KIN: variants seen among roughly 807,000 people sequenced by gnomAD.
KIN encodes the protein Kin17 DNA and RNA binding protein.
Under a neutral mutation model 63.0 loss-of-function variants are expected in KIN, and 47 were observed. The ratio of observed to expected loss-of-function variants is 0.75; its 90% CI spans 0.59 to 0.95. KIN has a LOEUF of 0.95. KIN is among the 40% of genes least tolerant of loss of function. The probability of loss-of-function intolerance (pLI) is 0.00; values close to 1 mark genes in which losing one functional copy is unlikely to be tolerated. For missense variants in KIN, 408 were observed against 460.9 expected (o/e 0.89, Z 1.05); for synonymous variants, 160 against 157.7 (o/e 1.01, Z -0.11).
intron 2 of KIN, among the ~76,000 whole-genome samples, chr10:7,782,184 A>G (rs1564325403): frequency 6.6e-6 from 1 of 152,218 alleles, no homozygotes; most frequent in Non-Finnish European, 1.5e-5. Flanking sequence ...ATTTTTTAAA[A>G]GTATAAAGGG....
chr10:7,758,550 T>C (rs141207329), intron 12 of KIN, among the ~76,000 whole-genome samples: 3,447 of 152,218 alleles, frequency 0.023, 68 homozygotes, highest in South Asian at 0.066. Context: ...GGTATCGAGA[T>C]GGAACTCAAC....
intron 2 of KIN, among the ~76,000 whole-genome samples, chr10:7,780,979 AC>A (rs1300572375): frequency 6.6e-6 from 1 of 152,212 alleles, no homozygotes; most frequent in Admixed American, 6.5e-5. Flanking sequence ...CCCTGATTCC[AC>A]ATGAAATTGG....
At position 7,766,038 on chromosome 10, in the gene KIN, C is replaced by G. The variant is rs748193096; in HGVS notation, c.849+15G>C. ...CATACATTTAGAACTTAAGAAACTC[C>G]AACTGAATACTTACAGGCTGTAGCC... On this transcript the variant is annotated intron_variant, in intron 9 of 12. Transcript: ENST00000379562. The G allele has an allele frequency of 1.3e-6, 2 of 1,589,886 alleles. No individual in the cohort carries two copies. The highest frequency in any genetic ancestry group is 2.3e-5 in the South Asian group (2 of 87,094).
In KIN at chr10:7,751,357, A is replaced by G. The variant is rs1320987275; in HGVS notation, c.*4723T>C. 9 of 152,202 alleles carry G rather than the reference A, an allele frequency of 5.9e-5. No homozygotes were observed. The highest frequency in any genetic ancestry group is 4.6e-4 in the Admixed American group (7 of 15,274). 9.4% of individuals were successfully genotyped at this position (152,202 alleles called of 1,614,324 possible). ...GACATATCCAACCCATATTTGAAAA[A>G]GCAAGTGAGCTCCTCTAAACCTAAT... On this transcript the variant is annotated 3_prime_UTR_variant, in exon 13 of 13. Coordinates refer to ENST00000379562, the MANE Select transcript of KIN (RefSeq NM_012311.4).
chr10:7,752,282 C>T lies in KIN; in HGVS notation c.*3798G>A, dbSNP rs979554650. 3.3e-5 allele frequency: 5 copies of T among 152,130 alleles called. No individual in the cohort carries two copies. Among genetic ancestry groups the T allele is most frequent in the Non-Finnish European group, 5.9e-5 (4 of 68,028 alleles). The allele number at this position is 152,130 out of a possible 1,614,324, so 9.4% of individuals were successfully genotyped here. ...GGCAAAAAACCTGAAAGACATCTCA[C>T]CAGAGAAGATATACAGGTGGCAAAT... On this transcript the variant is annotated 3_prime_UTR_variant, in exon 13 of 13. Coordinates refer to ENST00000379562, the MANE Select transcript of KIN (RefSeq NM_012311.4).
chr10:7,756,226 A>T, intron 12 of KIN, 84 bp from the exon 13 acceptor site: 2 of 755,988 alleles, frequency 2.6e-6, no homozygotes, highest in Non-Finnish European at 4.1e-6. Flanking sequence ...ATGGATACAA[A>T]TTTGCCTTTT....
chr10:7,781,856 A>G (rs530655815), intron 2 of KIN, among the ~76,000 whole-genome samples: 48 of 152,160 alleles, frequency 3.2e-4, no homozygotes, highest in African/African-American at 1.2e-3. Flanking sequence ...CAGGAGTTCA[A>G]CACCAGCATG....
Position 7,751,627 on chromosome 10 carries a change from T to C in KIN, c.*4453A>G, listed in dbSNP as rs1023443507. On this transcript the variant is annotated 3_prime_UTR_variant, in exon 13 of 13. Coordinates refer to ENST00000379562, the MANE Select transcript of KIN (RefSeq NM_012311.4). ...ACTACCTCTTAGTTTTCTTCTTCTATAAGAAGTGCTCACCTATGATACCCT... is the reference window on the plus strand; with the variant it reads ...ACTACCTCTTAGTTTTCTTCTTCTACAAGAAGTGCTCACCTATGATACCCT... 2.0e-5 allele frequency: 3 copies of C among 152,184 alleles called. No individual in the cohort carries two copies. Among genetic ancestry groups the C allele is most frequent in the Admixed American group, 6.6e-5 (1 of 15,266 alleles). 9.4% of individuals were successfully genotyped at this position (152,184 alleles called of 1,614,324 possible). A position where few individuals can be genotyped will look rare whatever the true frequency, so the allele number is the denominator to read the frequency against.
chr10:7,769,633 A>G (rs548457537), intron 7 of KIN, among the ~76,000 whole-genome samples: 1 of 152,216 alleles, frequency 6.6e-6, no homozygotes, highest in East Asian at 1.9e-4. Flanking sequence ...CACTGCTACT[A>G]TACTTTGTAT....
rs1016540792 is a variant in KIN at position 7,753,205 on chromosome 10, C to T, written c.*2875G>A. On this transcript the variant is annotated 3_prime_UTR_variant, in exon 13 of 13. Coordinates refer to ENST00000379562, the MANE Select transcript of KIN (RefSeq NM_012311.4). ...AAAAAACTACTGTGAAGTCTATAAT[C>T]GTATTTTTATGCTTCAGATATTTTT... The T allele has an allele frequency of 6.6e-6, 1 of 152,152 alleles. No homozygotes were observed. The highest frequency in any genetic ancestry group is 2.4e-5 in the African/African-American group (1 of 41,422). The allele number at this position is 152,152 out of a possible 1,614,324, so 9.4% of individuals were successfully genotyped here.
intron 12 of KIN, 176 bp downstream of exon 12, chr10:7,759,714 A>G (rs1221354674): frequency 9.5e-6 from 4 of 422,422 alleles, no homozygotes; most frequent in Middle Eastern, 6.0e-4. Flanking sequence ...TAATCAGAAA[A>G]TAAAATACTT....
intron 10 of KIN, among the ~76,000 whole-genome samples, chr10:7,763,186 G>A (rs1835471028): frequency 6.6e-6 from 1 of 152,270 alleles, no homozygotes; most frequent in African/African-American, 2.4e-5. Context: ...AACCTGGGAG[G>A]CGATGGTTGC....
At chr10:7,784,566 C>G (rs1835961526) in intron 1 of KIN, among the ~76,000 whole-genome samples, 1 of 151,530 alleles carries the variant, frequency 6.6e-6, no homozygotes, top group Admixed American at 6.6e-5. Flanking sequence ...CCAGTCTGGG[C>G]AAGAGTAAGA....
intron 1 of KIN, among the ~76,000 whole-genome samples, chr10:7,784,403 T>C (rs183075558): frequency 6.6e-6 from 1 of 151,986 alleles, no homozygotes; most frequent in Non-Finnish European, 1.5e-5. Flanking sequence ...AGCAACACAA[T>C]GAGACCTCCA....
intron 1 of KIN, among the ~76,000 whole-genome samples, chr10:7,784,813 C>G (rs1379072855): frequency 2.0e-5 from 3 of 151,986 alleles, no homozygotes; most frequent in Non-Finnish European, 2.9e-5. Context: ...AAGTATTACC[C>G]CAATACTCAC....
At chr10:7,759,858 T>C in intron 12 of KIN, 32 bp downstream of exon 12, 1 of 1,078,296 alleles carries the variant, frequency 9.3e-7, no homozygotes. Flanking sequence ...TAAAGCATTT[T>C]GAAATTTCTG....
intron 7 of KIN, among the ~76,000 whole-genome samples, chr10:7,774,552 A>G (rs2131014500): frequency 6.6e-6 from 1 of 152,060 alleles, no homozygotes; most frequent in Non-Finnish European, 1.5e-5. Flanking sequence ...TGGGCACAGT[A>G]GGGCGTGCCT....
intron 7 of KIN, among the ~76,000 whole-genome samples, chr10:7,771,190 G>A (rs2148722): frequency 0.46 from 69,554 of 151,896 alleles, 16,503 homozygotes; most frequent in African/African-American, 0.53. Flanking sequence ...TTTAGATTTA[G>A]GTGTACTTTG....
intron 8 of KIN, chr10:7,766,393 T>G (rs1037769076): frequency 3.6e-5 from 11 of 302,272 alleles, no homozygotes; most frequent in Admixed American, 1.5e-4. Flanking sequence ...GTACCTGCCC[T>G]CACCCACTTT....
Sources: gnomAD v4.1 joint callset for allele counts (sites outside exome capture counted in the v4.1 genomes callset) on GRCh38, gnomAD v4.1.1 for gene constraint, MANE v1.5 for transcripts, NCBI Gene and HGNC (gene_info 2026-07-23, HGNC 2026-07-21) for gene names.